Variants in YBEY observed in about 807,000 individuals in gnomAD.
The protein encoded by YBEY is ybeY metalloendoribonuclease.
In YBEY, 15 loss-of-function variants were observed where a neutral mutation model predicts 13.5. The ratio of observed to expected loss-of-function variants is 1.11; its 90% CI spans 0.75 to 1.72. The LOEUF (loss-of-function observed/expected upper bound fraction) is 1.72. Ranked by LOEUF, YBEY falls within the 40% of genes most tolerant of loss-of-function variation. The pLI is 0.00. For synonymous variants in YBEY, 101 were observed against 83.1 expected (o/e 1.21, Z -1.17); for missense variants, 244 against 208.4 (o/e 1.17, Z -1.05).
At chr21:46,305,545 G>C in the YBEY span, among the ~76,000 whole-genome samples, 8 of 151,980 alleles carry the variant, frequency 5.3e-5, no homozygotes, top group African/African-American at 1.9e-4. Flanking sequence ...GCCCAGGCTG[G>C]TCTTGAACTC....
At chr21:46,290,326 C>T (rs1240927844) in intron 2 of YBEY, among the ~76,000 whole-genome samples, 2 of 152,124 alleles carry the variant, frequency 1.3e-5, no homozygotes, top group Non-Finnish European at 2.9e-5. Flanking sequence ...CTGCCTCAGC[C>T]TCCCGAGTAG....
At chr21:46,309,278 T>C in the YBEY span, among the ~76,000 whole-genome samples, 3 of 151,932 alleles carry the variant, frequency 2.0e-5, no homozygotes, top group African/African-American at 7.3e-5. Context: ...CTGGTCAACA[T>C]GGTGAAACCC....
chr21:46,298,614 A>G (rs1176636390), downstream of YBEY, among the ~76,000 whole-genome samples: 41 of 151,536 alleles, frequency 2.7e-4, no homozygotes, highest in Admixed American at 2.4e-3. Flanking sequence ...TATTTTTAGT[A>G]GAGACGGGGT....
chr21:46,310,210 C>T, the YBEY span, among the ~76,000 whole-genome samples: 1 of 151,956 alleles, frequency 6.6e-6, no homozygotes, highest in Non-Finnish European at 1.5e-5. Flanking sequence ...GGTGTGGTGG[C>T]TCACACCTGT....
the YBEY span, among the ~76,000 whole-genome samples, chr21:46,303,249 G>C: frequency 1.9e-4 from 29 of 152,254 alleles, no homozygotes; most frequent in South Asian, 6.2e-4. Flanking sequence ...TGAGGCAGGA[G>C]GATCACTTGA....
downstream of YBEY, chr21:46,301,524 C>A (rs796349615): frequency 4.7e-5 from 46 of 985,906 alleles, no homozygotes; most frequent in African/African-American, 7.7e-4. Flanking sequence ...GTATTTTCCC[C>A]ATCAGGATGT....
the YBEY span, among the ~76,000 whole-genome samples, chr21:46,305,028 C>T: frequency 3.3e-5 from 5 of 151,984 alleles, no homozygotes; most frequent in Non-Finnish European, 7.3e-5. Flanking sequence ...GAACACAGGA[C>T]GGTGGTTGCC....
chr21:46,291,597 G>A lies in YBEY; in HGVS notation c.339+135G>A, dbSNP rs1169342445. ...TACTGGGGGAAGAACCTGTAAGCAGGGTGTGAGGAGCACCCAGGCTGGGTA... is the reference window on the plus strand; with the variant it reads ...TACTGGGGGAAGAACCTGTAAGCAGAGTGTGAGGAGCACCCAGGCTGGGTA... On this transcript the variant is annotated intron_variant, in intron 3 of 4. Transcript: ENST00000397701. 4.0e-6 allele frequency: 6 copies of A among 1,482,016 alleles called. No homozygotes were observed. The African/African-American group carries it at 7.1e-5, about 18-fold the overall frequency. The allele number at this position is 1,482,016 out of a possible 1,614,324, so 91.8% of individuals were successfully genotyped here.
At chr21:46,296,782 G>A (rs956674595) in intron 4 of YBEY, among the ~76,000 whole-genome samples, 1 of 151,620 alleles carries the variant, frequency 6.6e-6, no homozygotes, top group Admixed American at 6.6e-5. Context: ...ATCAACTGAG[G>A]TTGGGAGTTC....
chr21:46,312,916 A>G, the YBEY span: 1 of 841,896 alleles, frequency 1.2e-6, no homozygotes, highest in Non-Finnish European at 1.4e-6. Flanking sequence ...ACACGTCATG[A>G]AAATGAACTT....
chr21:46,294,738 T>C (rs1250632138), intron 3 of YBEY, among the ~76,000 whole-genome samples: 3 of 147,188 alleles, frequency 2.0e-5, no homozygotes, highest in Non-Finnish European at 4.5e-5. Context: ...TTTGCACAGG[T>C]GGTTTCAGCA....
At chr21:46,292,053 G>A (rs60751239) in intron 3 of YBEY, 19,684 of 174,650 alleles carry the variant, frequency 0.11, 1,284 homozygotes, top group African/African-American at 0.16. Context: ...GGCTGCAGAC[G>A]GACCATGGGG....
downstream of YBEY, chr21:46,300,574 T>C (rs957388006): frequency 1.9e-6 from 2 of 1,026,874 alleles, no homozygotes; most frequent in Non-Finnish European, 2.4e-6. Context: ...CACGAAAAGA[T>C]GGTTCTGAGA....
chr21:46,300,935 A>G (rs73146709), downstream of YBEY: 60,650 of 807,988 alleles, frequency 0.075, 2,677 homozygotes, highest in Non-Finnish European at 0.089. Flanking sequence ...GCCTGTCCAC[A>G]TGGTAAGAAA....
the YBEY span, among the ~76,000 whole-genome samples, chr21:46,307,644 A>G: frequency 2.0e-5 from 3 of 152,208 alleles, no homozygotes; most frequent in Non-Finnish European, 4.4e-5. Context: ...TGTGGGTTAC[A>G]TGGCCGTCCT....
chr21:46,302,071 A>ATGGTGGTGG (rs71318063), downstream of YBEY: 47 of 1,506,750 alleles, frequency 3.1e-5, no homozygotes, highest in East Asian at 1.3e-4. Flanking sequence ...GCCACACAGC[A>ATGGTGGTGG]TGGTGGTGGT....
chr21:46,306,674 A>C, the YBEY span, among the ~76,000 whole-genome samples: 1 of 151,166 alleles, frequency 6.6e-6, no homozygotes, highest in South Asian at 2.1e-4. Flanking sequence ...TGCAGCCTCC[A>C]CCTCCTGGGT....
At chr21:46,295,838 C>T (rs1205933933) in intron 3 of YBEY, among the ~76,000 whole-genome samples, 1 of 151,914 alleles carries the variant, frequency 6.6e-6, no homozygotes, top group Non-Finnish European at 1.5e-5. Context: ...TGGCACCCAC[C>T]CCTCCCCACT....
chr21:46,286,713 C>A, intron 1 of YBEY, 157 bp from the exon 2 acceptor site: 2 of 550,226 alleles, frequency 3.6e-6, no homozygotes, highest in Non-Finnish European at 6.3e-6. Context: ...CTTCCATAGA[C>A]CCTCGTTGTT....
Sources: allele counts gnomAD v4.1 joint callset (sites outside exome capture counted in the v4.1 genomes callset), GRCh38; gene constraint gnomAD v4.1.1; transcripts MANE v1.5; gene names NCBI Gene and HGNC (gene_info 2026-07-23, HGNC 2026-07-21).